The following LCORL variants were observed in gnomAD, a reference collection of about 807,000 sequenced individuals.
LCORL encodes ligand-dependent nuclear receptor corepressor-like protein.
Under a neutral mutation model 141.8 loss-of-function variants are expected in LCORL, and 41 were observed. That is an observed-to-expected ratio of 0.29 (90% CI 0.23 to 0.38). The LOEUF is 0.38. LCORL is among the 10% of genes least tolerant of loss of function. The pLI is 1.00. For missense variants in LCORL, 1,759 were observed against 2,035.0 expected, an observed-to-expected ratio of 0.86 and a Z score of 2.61; for synonymous variants, 618 against 694.1, an observed-to-expected ratio of 0.89 and a Z score of 1.72.
chr4:18,007,072 C>T (rs1722941734), intron 1 of LCORL, among the ~76,000 whole-genome samples: 1 of 152,146 alleles, frequency 6.6e-6, no homozygotes, highest in South Asian at 2.1e-4. Context: ...TCAAAACTTG[C>T]TTGGTCTATC....
intron 5 of LCORL, among the ~76,000 whole-genome samples, chr4:17,900,116 ATAAT>A (rs1434251365): frequency 3.9e-5 from 6 of 152,136 alleles, no homozygotes; most frequent in African/African-American, 9.7e-5. Context: ...TATATACCTA[ATAAT>A]TAAGTTAGTC....
intron 6 of LCORL, chr4:17,883,278 T>C: frequency 1.0e-6 from 1 of 988,078 alleles, no homozygotes. Flanking sequence ...ACAACAAGTG[T>C]TAAGTCTGTT....
chr4:18,002,137 G>C (rs1485907557), intron 1 of LCORL, among the ~76,000 whole-genome samples: 1 of 152,150 alleles, frequency 6.6e-6, no homozygotes, highest in Admixed American at 6.5e-5. Context: ...CAACAACCAA[G>C]TAAGATGAAT....
At chr4:17,909,640 G>A (rs1285967700) in intron 4 of LCORL, among the ~76,000 whole-genome samples, 1 of 152,026 alleles carries the variant, frequency 6.6e-6, no homozygotes, top group Non-Finnish European at 1.5e-5. Flanking sequence ...TTATTCTCAA[G>A]AGTTTTAATA....
intron 4 of LCORL, among the ~76,000 whole-genome samples, chr4:17,961,421 C>G (rs1376814213): frequency 1.3e-5 from 2 of 151,790 alleles, no homozygotes; most frequent in African/African-American, 4.8e-5. Flanking sequence ...TTTTTAATGT[C>G]TACTAAGCAA....
intron 5 of LCORL, among the ~76,000 whole-genome samples, chr4:17,889,621 CCTGTAGTTCAAGGG>C (rs1728799690): frequency 6.6e-6 from 1 of 151,932 alleles, no homozygotes; most frequent in South Asian, 2.1e-4. Context: ...CTTCATAAAG[CCTGTAGTTCAAGGG>C]CTGGAAAAGT....
chr4:17,923,660 C>T (rs1217212565), intron 4 of LCORL, among the ~76,000 whole-genome samples: 1 of 151,900 alleles, frequency 6.6e-6, no homozygotes, highest in Non-Finnish European at 1.5e-5. Flanking sequence ...CCCCACCCTC[C>T]CCCAAAAAAA....
In LCORL at chr4:17,847,152, T is replaced by A. The variant is rs551937729; in HGVS notation, c.5603-1251A>T. Reference sequence around the variant, plus strand: ...TTAAATATTACTTATAGTCCACATATTCAGATGTGAATCCTTATGTTTATA... The same window carrying A: ...TTAAATATTACTTATAGTCCACATAATCAGATGTGAATCCTTATGTTTATA... On this transcript the variant is annotated intron_variant, in intron 7 of 7. Transcript: ENST00000635767. Among the ~76,000 whole-genome samples, 21 of 152,348 alleles carry A rather than the reference T, an allele frequency of 1.4e-4. 1 individual carries two copies. Among genetic ancestry groups the A allele is most frequent in the Admixed American group, 1.4e-3 (21 of 15,302 alleles).
chr4:17,916,641 G>GTC (rs1166823568), intron 4 of LCORL, among the ~76,000 whole-genome samples: 10 of 135,382 alleles, frequency 7.4e-5, no homozygotes, highest in Non-Finnish European at 1.1e-4. Context: ...CCAATTAAAT[G>GTC]TCTTTTTTTT....
exon 7 of LCORL, chr4:17,877,239 A>G: frequency 8.1e-7 from 1 of 1,230,464 alleles, no homozygotes; most frequent in African/African-American, 1.6e-5. Flanking sequence ...TAATTCCATA[A>G]AACTATAATC....
chr4:17,994,198 A>C (rs1720524274), intron 1 of LCORL, among the ~76,000 whole-genome samples: 1 of 152,214 alleles, frequency 6.6e-6, no homozygotes, highest in Non-Finnish European at 1.5e-5. Context: ...TATCAGAATC[A>C]AAATATTTTT....
intron 7 of LCORL, among the ~76,000 whole-genome samples, chr4:17,872,564 C>T (rs1726475085): frequency 6.6e-6 from 1 of 152,128 alleles, no homozygotes. Context: ...TGTAGGGTCC[C>T]TGAGTCTCCC....
chr4:17,948,479 G>A (rs959633116), intron 4 of LCORL, among the ~76,000 whole-genome samples: 1 of 152,008 alleles, frequency 6.6e-6, no homozygotes, highest in African/African-American at 2.4e-5. Context: ...AAGTCAAAAG[G>A]AATAACTAAA....
At chr4:17,877,247 A>C (rs1326174506) in exon 7 of LCORL, 7 of 1,230,316 alleles carry the variant, frequency 5.7e-6, no homozygotes, top group African/African-American at 3.1e-5. Flanking sequence ...TAAAACTATA[A>C]TCACTGGCTT....
intron 5 of LCORL, among the ~76,000 whole-genome samples, chr4:17,890,371 T>C (rs1423554205): frequency 1.3e-5 from 2 of 152,082 alleles, no homozygotes; most frequent in Non-Finnish European, 2.9e-5. Context: ...TGTTTACAGA[T>C]ACATAAATAG....
intron 4 of LCORL, among the ~76,000 whole-genome samples, chr4:17,937,979 T>C (rs1737141598): frequency 6.6e-6 from 1 of 151,728 alleles, no homozygotes; most frequent in Non-Finnish European, 1.5e-5. Context: ...AAGGAAGCTT[T>C]AGACTTATAA....
chr4:17,878,122 G>T, exon 7 of LCORL: 1 of 1,230,452 alleles, frequency 8.1e-7, no homozygotes, highest in Non-Finnish European at 1.0e-6. Flanking sequence ...TGTTGCTGGT[G>T]ATGTATGCAC....
At chr4:17,912,776 C>A (rs889710564) in intron 4 of LCORL, 2 of 420,336 alleles carry the variant, frequency 4.8e-6, no homozygotes, top group Non-Finnish European at 9.3e-6. Flanking sequence ...GCACCAGGCC[C>A]AGGAGTACGA....
intron 4 of LCORL, among the ~76,000 whole-genome samples, chr4:17,958,792 C>T (rs530084535): frequency 6.6e-6 from 1 of 152,050 alleles, no homozygotes; most frequent in South Asian, 2.1e-4. Context: ...AATACTAACT[C>T]AGGACCTAAC....
Sources: gnomAD v4.1 joint callset for allele counts (sites outside exome capture counted in the v4.1 genomes callset) on GRCh38, gnomAD v4.1.1 for gene constraint, MANE v1.5 for transcripts, NCBI Gene and HGNC (gene_info 2026-07-23, HGNC 2026-07-21) for gene names.